PPP3CC: variants seen among roughly 807,000 people sequenced by gnomAD.
The protein encoded by PPP3CC is serine/threonine-protein phosphatase 2B catalytic subunit gamma isoform.
In PPP3CC, 35 loss-of-function variants were observed where a neutral mutation model predicts 60.3. The ratio of observed to expected loss-of-function variants is 0.58; its 90% CI spans 0.44 to 0.77. The LOEUF is 0.77. Among genes scored for constraint, PPP3CC ranks in the 30% least tolerant of loss-of-function variants. The pLI is 0.00. For synonymous variants in PPP3CC, 206 were observed against 224.3 expected, an observed-to-expected ratio of 0.92 and a Z score of 0.73; for missense variants, 570 against 628.9, an observed-to-expected ratio of 0.91 and a Z score of 1.00.
chr8:22,489,622 T>TAATAAGTATATATTACATATAATATAC (rs1272475700), intron 3 of PPP3CC, among the ~76,000 whole-genome samples: 1 of 114,708 alleles, frequency 8.7e-6, no homozygotes, highest in African/African-American at 3.5e-5. Flanking sequence ...ATATAATATA[T>TAATAAGTATATATTACATATAATATAC]AATAAGTATA....
rs71206523 is a variant in PPP3CC at position 22,496,485 on chromosome 8, CTTTTTTTTTTTTT to C, written c.373-1498_373-1486del. 2.2e-3 allele frequency among the ~76,000 whole-genome samples: 97 copies of C among 43,582 alleles called. 1 individual carries two copies. The highest frequency in any genetic ancestry group is 7.5e-3 in the South Asian group (7 of 928). The allele number at this position is 43,582 out of a possible 152,430, so 28.6% of individuals were successfully genotyped here. A position where few individuals can be genotyped will look rare whatever the true frequency, so the allele number is the denominator to read the frequency against. ...AAGTTAAATTAGGGAGAACTGTAAT[CTTTTTTTTTTTTT>C]TTTTTTTTTTTTTTTTTGAGACAGA... On this transcript the variant is annotated intron_variant, in intron 3 of 13. Transcript: ENST00000240139.
chr8:22,482,583 G>C (rs544945180), intron 3 of PPP3CC, among the ~76,000 whole-genome samples: 2 of 152,074 alleles, frequency 1.3e-5, no homozygotes, highest in African/African-American at 4.8e-5. Flanking sequence ...CATTGCTTTT[G>C]GTGTTTTAGT....
At chr8:22,525,083 C>T (rs931582431) in intron 8 of PPP3CC, among the ~76,000 whole-genome samples, 3 of 151,874 alleles carry the variant, frequency 2.0e-5, no homozygotes, top group Non-Finnish European at 4.4e-5. Flanking sequence ...TCCAGTAGTT[C>T]GAGGCTGCAG....
At chr8:22,496,332 T>A (rs1313770630) in intron 3 of PPP3CC, among the ~76,000 whole-genome samples, 1 of 151,900 alleles carries the variant, frequency 6.6e-6, no homozygotes, top group Non-Finnish European at 1.5e-5. Context: ...GCCCTCATAG[T>A]GTCTCTTTTT....
At chr8:22,485,246 C>G (rs957719584) in intron 3 of PPP3CC, among the ~76,000 whole-genome samples, 1 of 151,968 alleles carries the variant, frequency 6.6e-6, no homozygotes, top group Non-Finnish European at 1.5e-5. Flanking sequence ...GCCAAATAAA[C>G]GCAAGCACAG....
intron 1 of PPP3CC, among the ~76,000 whole-genome samples, chr8:22,474,358 G>C (rs1361325309): frequency 6.6e-6 from 1 of 151,932 alleles, no homozygotes; most frequent in Admixed American, 6.6e-5. Flanking sequence ...CTAGTGTCTT[G>C]TCTCATTTAT....
intron 8 of PPP3CC, among the ~76,000 whole-genome samples, chr8:22,525,446 T>C (rs1044292471): frequency 6.6e-6 from 1 of 151,564 alleles, no homozygotes; most frequent in Non-Finnish European, 1.5e-5. Context: ...TTCTCTCTCT[T>C]TCTCTCTCTC....
chr8:22,447,593 C>A (rs1011486130), intron 1 of PPP3CC, among the ~76,000 whole-genome samples: 1 of 151,972 alleles, frequency 6.6e-6, no homozygotes, highest in East Asian at 1.9e-4. Flanking sequence ...GCTGGGATTA[C>A]GGTGTGAGCC....
chr8:22,459,997 A>G (rs2132445069), intron 1 of PPP3CC, among the ~76,000 whole-genome samples: 1 of 152,324 alleles, frequency 6.6e-6, no homozygotes, highest in East Asian at 1.9e-4. Flanking sequence ...AGTGGAGTTT[A>G]CTACTAAATT....
intron 3 of PPP3CC, among the ~76,000 whole-genome samples, chr8:22,478,710 C>T (rs1014172861): frequency 2.0e-5 from 3 of 152,116 alleles, no homozygotes; most frequent in African/African-American, 7.2e-5. Context: ...AAAATTTATG[C>T]TCTGTAGGAG....
intron 6 of PPP3CC, among the ~76,000 whole-genome samples, chr8:22,519,868 C>T (rs1275802080): frequency 1.3e-5 from 2 of 152,124 alleles, no homozygotes; most frequent in Non-Finnish European, 2.9e-5. Context: ...GTTGGCCAGG[C>T]TGGTCTCTAA....
At chr8:22,521,769 C>T (rs1586860062) in intron 6 of PPP3CC, among the ~76,000 whole-genome samples, 1 of 152,172 alleles carries the variant, frequency 6.6e-6, no homozygotes, top group Middle Eastern at 3.4e-3. Context: ...TTCTTCCTAT[C>T]AGGTATTTGT....
chr8:22,525,446 TTCTCTC>T (rs148760690), intron 8 of PPP3CC, among the ~76,000 whole-genome samples: 2 of 151,564 alleles, frequency 1.3e-5, no homozygotes, highest in South Asian at 2.1e-4. Context: ...TTCTCTCTCT[TTCTCTC>T]TCTCTTTCTT....
chr8:22,446,202 C>G, intron 1 of PPP3CC, among the ~76,000 whole-genome samples: 1 of 151,988 alleles, frequency 6.6e-6, no homozygotes, highest in East Asian at 1.9e-4. Context: ...ACCCACATAC[C>G]CATGTAACCA....
chr8:22,522,156 C>G (rs1418209449), intron 6 of PPP3CC, among the ~76,000 whole-genome samples: 2 of 151,926 alleles, frequency 1.3e-5, no homozygotes, highest in Non-Finnish European at 2.9e-5. Context: ...CACACACACA[C>G]ACACACTACT....
intron 8 of PPP3CC, among the ~76,000 whole-genome samples, chr8:22,526,810 T>C (rs949161024): frequency 1.3e-5 from 2 of 152,240 alleles, no homozygotes; most frequent in Non-Finnish European, 2.9e-5. Context: ...CTGCTGTGTA[T>C]TGGAGAAATC....
intron 4 of PPP3CC, among the ~76,000 whole-genome samples, chr8:22,499,680 G>A (rs377364719): frequency 6.6e-6 from 1 of 152,170 alleles, no homozygotes; most frequent in South Asian, 2.1e-4. Flanking sequence ...GACTATGTTG[G>A]GGATGTTTGG....
intron 10 of PPP3CC, among the ~76,000 whole-genome samples, chr8:22,530,884 G>C (rs1839695587): frequency 7.5e-6 from 1 of 133,604 alleles, no homozygotes; most frequent in South Asian, 2.6e-4. Flanking sequence ...CCCTGAAAGA[G>C]AAGCTATAGA....
chr8:22,531,498 C>A (rs917889050), intron 10 of PPP3CC, among the ~76,000 whole-genome samples: 1 of 152,130 alleles, frequency 6.6e-6, no homozygotes, highest in Non-Finnish European at 1.5e-5. Context: ...TGGCAGGGTG[C>A]TGAGGGTTGG....
Sources: allele counts gnomAD v4.1 joint callset (sites outside exome capture counted in the v4.1 genomes callset), GRCh38; gene constraint gnomAD v4.1.1; transcripts MANE v1.5; gene names NCBI Gene and HGNC (gene_info 2026-07-23, HGNC 2026-07-21).